The following ASAP2 variants were observed in gnomAD, a reference collection of about 807,000 sequenced individuals.
The protein encoded by ASAP2 is arf-GAP with SH3 domain, ANK repeat and PH domain-containing protein 2.
ASAP2 carries 45 observed loss-of-function variants against 131.4 expected under a neutral mutation model. That is an observed-to-expected ratio of 0.34 (90% CI 0.27 to 0.44). The LOEUF is 0.44. ASAP2 is among the 20% of genes least tolerant of loss of function. ASAP2 has a pLI of 1.00. For synonymous variants in ASAP2, 510 were observed against 503.0 expected, an observed-to-expected ratio of 1.01 and a Z score of -0.19; for missense variants, 1,011 against 1,297.0, an observed-to-expected ratio of 0.78 and a Z score of 3.39.
chr2:9,325,084 T>A (rs1670396234), intron 6 of ASAP2, among the ~76,000 whole-genome samples: 2 of 152,210 alleles, frequency 1.3e-5, no homozygotes, highest in Admixed American at 1.3e-4. Context: ...AATATTCACT[T>A]GATGAAATGA....
At chr2:9,264,851 A>G (rs143875080) in intron 1 of ASAP2, among the ~76,000 whole-genome samples, 1 of 152,164 alleles carries the variant, frequency 6.6e-6, no homozygotes, top group African/African-American at 2.4e-5. Context: ...AAAAAATACA[A>G]ATTTTGGCCA....
intron 15 of ASAP2, among the ~76,000 whole-genome samples, chr2:9,365,654 C>G: frequency 6.6e-6 from 1 of 152,224 alleles, no homozygotes; most frequent in Admixed American, 6.5e-5. Context: ...GACGACTCCC[C>G]CGTATGGTGA....
intron 14 of ASAP2, among the ~76,000 whole-genome samples, chr2:9,357,431 AT>A (rs1672792191): frequency 6.6e-6 from 1 of 152,174 alleles, no homozygotes; most frequent in Non-Finnish European, 1.5e-5. Context: ...GTGAGCTGAG[AT>A]CACGCCACTG....
chr2:9,396,825 A>T (rs1164958235), intron 24 of ASAP2, among the ~76,000 whole-genome samples: 1 of 152,144 alleles, frequency 6.6e-6, no homozygotes, highest in Non-Finnish European at 1.5e-5. Flanking sequence ...AACATGGCAA[A>T]ACCCTATCTC....
chr2:9,354,658 A>T (rs1179997075), intron 12 of ASAP2, among the ~76,000 whole-genome samples: 1 of 151,914 alleles, frequency 6.6e-6, no homozygotes, highest in Non-Finnish European at 1.5e-5. Context: ...AAAAAAAAAA[A>T]AAAGAAAAAG....
In ASAP2 at chr2:9,211,755, C is replaced by T. The variant is rs370217929; in HGVS notation, c.126+4525C>T. On this transcript the variant is annotated intron_variant, in intron 1 of 27. Transcript: ENST00000281419. ...CATGGGACCAGACCCCTCCTAGCAGCAACAGTGGGAACCAGGGCTACGTGC... is the reference window on the plus strand; with the variant it reads ...CATGGGACCAGACCCCTCCTAGCAGTAACAGTGGGAACCAGGGCTACGTGC... Among the ~76,000 whole-genome samples the T allele has an allele frequency of 7.9e-5, 12 of 152,284 alleles. No individual in the cohort carries two copies. The South Asian group carries it at 1.9e-3, about 24-fold the overall frequency.
Position 9,393,522 on chromosome 2 carries a change from G to A in ASAP2, c.2559G>A (p.Thr853=), listed in dbSNP as rs757078009. Residue 853 remains threonine, a synonymous_variant, in exon 24 of 28, where the codon ACG becomes ACA. Transcript: ENST00000281419. ...TPTPPPPVAK[T]PSVMEALSQP... is the part of the protein sequence containing the mutation. ...CGCCGCCCCCACCCGTTGCCAAGAC[G>A]CCCAGCGTAATGGAAGCCTTGAGCC... 2.4e-5 allele frequency: 39 copies of A among 1,602,390 alleles called. No homozygotes were observed. The highest frequency in any genetic ancestry group is 1.0e-4 in the Admixed American group (6 of 59,114).
chr2:9,358,570 G>C (rs1672866752), intron 14 of ASAP2, among the ~76,000 whole-genome samples, 186 bp from the exon 15 acceptor site: 1 of 152,192 alleles, frequency 6.6e-6, no homozygotes, highest in Admixed American at 6.5e-5. Flanking sequence ...AGGGAGAGTA[G>C]ATGTGTGCAT....
intron 1 of ASAP2, among the ~76,000 whole-genome samples, chr2:9,221,461 T>C (rs1022745993): frequency 6.6e-6 from 1 of 152,066 alleles, no homozygotes; most frequent in Non-Finnish European, 1.5e-5. Context: ...GGCCTCATTT[T>C]CTTGTCTTTA....
chr2:9,374,387 C>T lies in ASAP2; in HGVS notation c.1557-368C>T, dbSNP rs553124502. ...GGCTGCATGGAGGGCAGGGGCAGGG[C>T]CTTCCTGGGGGAGGAGGCGCAGGGC... On this transcript the variant is annotated intron_variant, in intron 16 of 27. Coordinates refer to ENST00000281419, the MANE Select transcript of ASAP2 (RefSeq NM_003887.3). Among the ~76,000 whole-genome samples, 26 of 152,304 alleles carry T rather than the reference C, an allele frequency of 1.7e-4. 1 individual carries two copies. The South Asian group carries it at 5.2e-3, about 30-fold the overall frequency.
chr2:9,282,335 C>G lies in ASAP2; in HGVS notation c.199+2946C>G, dbSNP rs538923800. On this transcript the variant is annotated intron_variant, in intron 2 of 27. Transcript: ENST00000281419. ...TGATCCTGAAATCTTTATTTCGGAA[C>G]AAGCGTTGTCTACTGCAAAGAAGTC... Among the ~76,000 whole-genome samples the G allele has an allele frequency of 2.0e-5, 3 of 152,346 alleles. No homozygotes were observed. The South Asian group carries it at 6.2e-4, about 32-fold the overall frequency.
intron 19 of ASAP2, among the ~76,000 whole-genome samples, chr2:9,380,424 C>T (rs1212643288): frequency 2.0e-5 from 3 of 152,122 alleles, no homozygotes; most frequent in Non-Finnish European, 4.4e-5. Context: ...TCTCGAACTC[C>T]TGACCTCAAA....
intron 1 of ASAP2, among the ~76,000 whole-genome samples, chr2:9,270,785 A>ATTTTTTTTTTTCTTTTTTTTTTTTTTTTT (rs1666302254): frequency 1.9e-5 from 1 of 52,924 alleles, no homozygotes; most frequent in Non-Finnish European, 3.5e-5. Context: ...AATTGTTTTC[A>ATTTTTTTTTTTCTTTTTTTTTTTTTTTTT]TTTTTTTTTT....
chr2:9,361,014 A>G (rs2148664507), intron 15 of ASAP2, among the ~76,000 whole-genome samples: 1 of 152,268 alleles, frequency 6.6e-6, no homozygotes, highest in Non-Finnish European at 1.5e-5. Flanking sequence ...AGGTGAAAGG[A>G]ATATGTTGTT....
intron 15 of ASAP2, among the ~76,000 whole-genome samples, chr2:9,361,041 A>G (rs1382712513): frequency 6.6e-6 from 1 of 152,312 alleles, no homozygotes; most frequent in East Asian, 1.9e-4. Flanking sequence ...TGATGAAACG[A>G]TGAGGTGACT....
At chr2:9,384,566 C>G (rs1430824953) in intron 20 of ASAP2, among the ~76,000 whole-genome samples, 1 of 152,232 alleles carries the variant, frequency 6.6e-6, no homozygotes, top group Non-Finnish European at 1.5e-5. Flanking sequence ...CCCACAGCCC[C>G]CTCTTTGGGT....
At chr2:9,228,497 G>A (rs1384808996) in intron 1 of ASAP2, among the ~76,000 whole-genome samples, 1 of 152,124 alleles carries the variant, frequency 6.6e-6, no homozygotes, top group African/African-American at 2.4e-5. Context: ...TTTCTTTGGG[G>A]AAGAGTGATT....
intron 6 of ASAP2, among the ~76,000 whole-genome samples, chr2:9,324,016 C>T (rs56041565): frequency 0.03 from 4,513 of 152,300 alleles, 97 homozygotes; most frequent in Non-Finnish European, 0.046. Flanking sequence ...AGCGAAGCTC[C>T]CTTGCACTGG....
chr2:9,219,959 A>G (rs1478616839), intron 1 of ASAP2, among the ~76,000 whole-genome samples: 2 of 152,170 alleles, frequency 1.3e-5, no homozygotes, highest in African/African-American at 4.8e-5. Flanking sequence ...ATCAAACAAT[A>G]TGTGGCCTTT....
Sources: allele counts gnomAD v4.1 joint callset (sites outside exome capture counted in the v4.1 genomes callset), GRCh38; gene constraint gnomAD v4.1.1; transcripts MANE v1.5; gene names NCBI Gene and HGNC (gene_info 2026-07-23, HGNC 2026-07-21).